The following FAM184A variants were observed in gnomAD, a reference collection of about 807,000 sequenced individuals.
The protein encoded by FAM184A is protein FAM184A.
Under a neutral mutation model 143.8 loss-of-function variants are expected in FAM184A, and 99 were observed. The ratio of observed to expected loss-of-function variants is 0.69; its 90% CI spans 0.58 to 0.81. The LOEUF is 0.81. FAM184A is among the 40% of genes least tolerant of loss of function. The pLI is 0.00. For missense variants in FAM184A, 1,217 were observed against 1,310.5 expected (o/e 0.93, Z 1.10); for synonymous variants, 427 against 446.4 (o/e 0.96, Z 0.55).
chr6:119,013,345 T>C (rs907484350), intron 5 of FAM184A, among the ~76,000 whole-genome samples: 3 of 152,184 alleles, frequency 2.0e-5, no homozygotes, highest in South Asian at 2.1e-4. Flanking sequence ...CTAGCACTTA[T>C]AACTTAATAG....
At chr6:119,072,491 GA>G (rs1787726869) in intron 1 of FAM184A, among the ~76,000 whole-genome samples, 1 of 152,196 alleles carries the variant, frequency 6.6e-6, no homozygotes, top group Non-Finnish European at 1.5e-5. Context: ...TATTATGAAA[GA>G]GTATCTAGAT....
chr6:119,007,895 G>A (rs2114651348), intron 6 of FAM184A, among the ~76,000 whole-genome samples: 1 of 151,796 alleles, frequency 6.6e-6, no homozygotes, highest in East Asian at 1.9e-4. Context: ...GAGCGAGATT[G>A]TGCCACTGCA....
intron 12 of FAM184A, among the ~76,000 whole-genome samples, chr6:118,975,683 G>A (rs1783824386): frequency 1.3e-5 from 2 of 152,214 alleles, no homozygotes; most frequent in South Asian, 4.1e-4. Context: ...TGCTCTAGCA[G>A]TTATCTGACA....
intron 1 of FAM184A, among the ~76,000 whole-genome samples, chr6:119,108,057 G>A (rs1038475237): frequency 6.6e-6 from 1 of 151,790 alleles, no homozygotes; most frequent in African/African-American, 2.4e-5. Context: ...TTCTGGTAGT[G>A]AGGTTAGAAT....
chr6:119,071,667 A>G (rs555612241), intron 1 of FAM184A, among the ~76,000 whole-genome samples: 1 of 152,194 alleles, frequency 6.6e-6, no homozygotes, highest in Admixed American at 6.5e-5. Context: ...CTTATTGAAT[A>G]AGTAATATTA....
At chr6:119,050,308 C>G (rs1786700978) in intron 1 of FAM184A, among the ~76,000 whole-genome samples, 1 of 152,074 alleles carries the variant, frequency 6.6e-6, no homozygotes, top group Admixed American at 6.5e-5. Flanking sequence ...ACCATTTGAC[C>G]CAGCAATCCC....
chr6:119,037,733 T>C (rs924133002), intron 1 of FAM184A, among the ~76,000 whole-genome samples: 5 of 152,234 alleles, frequency 3.3e-5, no homozygotes, highest in African/African-American at 1.2e-4. Flanking sequence ...CATTTCTTTT[T>C]GCGTTTTATA....
chr6:119,081,464 C>T (rs1591367), upstream of FAM184A, among the ~76,000 whole-genome samples: 32,084 of 152,070 alleles, frequency 0.21, 3,706 homozygotes, highest in Non-Finnish European at 0.26. Context: ...TGTTTATAGC[C>T]GAAGCCACAG....
intron 1 of FAM184A, among the ~76,000 whole-genome samples, chr6:119,045,098 G>T (rs764418471): frequency 6.6e-6 from 1 of 152,150 alleles, no homozygotes; most frequent in Non-Finnish European, 1.5e-5. Flanking sequence ...TCCATTCAAG[G>T]ATTGCTGATA....
chr6:119,142,855 A>G (rs1225538385), intron 1 of FAM184A, among the ~76,000 whole-genome samples: 1 of 152,220 alleles, frequency 6.6e-6, no homozygotes. Context: ...GGATAGCCCC[A>G]ATCCAATTAT....
At chr6:119,129,075 C>T (rs745920034) in intron 1 of FAM184A, among the ~76,000 whole-genome samples, 2 of 152,186 alleles carry the variant, frequency 1.3e-5, no homozygotes, top group Non-Finnish European at 2.9e-5. Context: ...CAACCAATTG[C>T]CAATCAGGAA....
intron 9 of FAM184A, among the ~76,000 whole-genome samples, chr6:118,986,873 C>CATAA (rs2114599892): frequency 6.6e-6 from 1 of 152,228 alleles, no homozygotes; most frequent in Admixed American, 6.5e-5. Flanking sequence ...TGCTCTATGT[C>CATAA]ACTGCTAAAA....
chr6:119,081,864 G>A (rs955076527), upstream of FAM184A, among the ~76,000 whole-genome samples: 7 of 152,148 alleles, frequency 4.6e-5, no homozygotes, highest in African/African-American at 1.7e-4. Context: ...CCACTGATGT[G>A]CTCCTCTTGG....
intron 1 of FAM184A, among the ~76,000 whole-genome samples, chr6:119,114,211 C>T (rs547302489): frequency 1.3e-5 from 2 of 152,284 alleles, no homozygotes; most frequent in South Asian, 4.1e-4. Context: ...AGAACACCTT[C>T]CAGGGCAGTG....
At chr6:119,134,640 T>C (rs1789614030) in intron 1 of FAM184A, among the ~76,000 whole-genome samples, 1 of 122,072 alleles carries the variant, frequency 8.2e-6, no homozygotes, top group Admixed American at 9.4e-5. Flanking sequence ...GGTGACAGAA[T>C]GAGACCTTGT....
chr6:119,001,195 T>C (rs1360642416), intron 9 of FAM184A, among the ~76,000 whole-genome samples: 2 of 150,100 alleles, frequency 1.3e-5, no homozygotes, highest in African/African-American at 4.9e-5. Flanking sequence ...GGGCATCTTT[T>C]TGTGCACTTG....
At chr6:119,115,212 A>G (rs1257219705) in intron 1 of FAM184A, among the ~76,000 whole-genome samples, 1 of 152,222 alleles carries the variant, frequency 6.6e-6, no homozygotes, top group Non-Finnish European at 1.5e-5. Context: ...GCTCAAATAA[A>G]ATTGAATTTT....
chr6:119,083,225 C>T (rs1040107644), upstream of FAM184A, among the ~76,000 whole-genome samples: 28 of 152,344 alleles, frequency 1.8e-4, no homozygotes, highest in South Asian at 2.3e-3. Context: ...CCATTTTTTC[C>T]TCCTAGGCCT....
chr6:118,970,029 A>G (rs1783647396), intron 14 of FAM184A, among the ~76,000 whole-genome samples: 6 of 30,752 alleles, frequency 2.0e-4, no homozygotes, highest in Admixed American at 4.0e-4. Context: ...TTTGAGATGG[A>G]GTTTTGTTCT....
Sources: gnomAD v4.1 joint callset for allele counts (sites outside exome capture counted in the v4.1 genomes callset) on GRCh38, gnomAD v4.1.1 for gene constraint, MANE v1.5 for transcripts, NCBI Gene and HGNC (gene_info 2026-07-23, HGNC 2026-07-21) for gene names.